Variants in TENM2 observed in about 807,000 individuals in gnomAD.
TENM2 encodes teneurin transmembrane protein 2.
TENM2 carries 52 observed loss-of-function variants against 245.2 expected under a neutral mutation model. That is an observed-to-expected ratio of 0.21 (90% CI 0.17 to 0.27). The LOEUF (loss-of-function observed/expected upper bound fraction) is 0.27, where lower values mean the gene tolerates loss of function less well. TENM2 is among the 10% of genes least tolerant of loss of function. TENM2 has a pLI of 1.00. For missense variants in TENM2, 3,046 were observed against 3,666.8 expected, an observed-to-expected ratio of 0.83 and a Z score of 4.37; for synonymous variants, 1,363 against 1,438.9, an observed-to-expected ratio of 0.95 and a Z score of 1.19.
chr5:168,202,779 G>A (rs1005214246), intron 17 of TENM2, among the ~76,000 whole-genome samples: 24 of 151,914 alleles, frequency 1.6e-4, no homozygotes, highest in African/African-American at 5.6e-4. Context: ...ATTTTTTAAA[G>A]CTGCAGAGAA....
intron 1 of TENM2, among the ~76,000 whole-genome samples, chr5:167,319,257 G>A (rs1023202065): frequency 6.6e-6 from 1 of 152,136 alleles, no homozygotes; most frequent in African/African-American, 2.4e-5. Context: ...CTGCTTTTTA[G>A]TTATATGACC....
chr5:167,538,425 T>C (rs1287172532), intron 2 of TENM2, among the ~76,000 whole-genome samples: 2 of 152,228 alleles, frequency 1.3e-5, no homozygotes, highest in African/African-American at 4.8e-5. Context: ...CTGGATTGAC[T>C]GGTGATGTCT....
chr5:167,242,451 G>C, the TENM2 span, among the ~76,000 whole-genome samples: 1 of 152,108 alleles, frequency 6.6e-6, no homozygotes, highest in African/African-American at 2.4e-5. Context: ...GAGATATACA[G>C]TTGACCTTTG....
chr5:167,541,496 ATC>A (rs1772210551), intron 2 of TENM2, among the ~76,000 whole-genome samples: 3 of 152,120 alleles, frequency 2.0e-5, no homozygotes, highest in South Asian at 4.1e-4. Context: ...AAGCTGAAAA[ATC>A]TCTGTTTCAA....
chr5:168,179,628 A>G (rs945790086), intron 13 of TENM2, among the ~76,000 whole-genome samples: 10 of 152,234 alleles, frequency 6.6e-5, no homozygotes, highest in African/African-American at 2.4e-4. Flanking sequence ...TTGGACACTC[A>G]GCATAACAGT....
intron 3 of TENM2, among the ~76,000 whole-genome samples, chr5:167,911,472 A>G (rs1776548883): frequency 6.6e-6 from 1 of 152,260 alleles, no homozygotes; most frequent in South Asian, 2.1e-4. Context: ...GCTTGCCGTG[A>G]GCCGAGATCG....
the TENM2 span, among the ~76,000 whole-genome samples, chr5:167,064,461 A>C: frequency 2.6e-5 from 4 of 152,330 alleles, no homozygotes; most frequent in African/African-American, 9.6e-5. Flanking sequence ...TGAACTCTAA[A>C]TACATTTAAA....
At chr5:167,331,946 G>A (rs1465444303) in intron 1 of TENM2, among the ~76,000 whole-genome samples, 1 of 152,018 alleles carries the variant, frequency 6.6e-6, no homozygotes, top group African/African-American at 2.4e-5. Flanking sequence ...AATCAAGATA[G>A]CATTTAGTGT....
chr5:167,920,515 T>TCACACACACACACA lies in TENM2; in HGVS notation c.713-32044_713-32031dup, dbSNP rs58866696. Among the ~76,000 whole-genome samples, 123 of 129,514 alleles carry TCACACACACACACA rather than the reference T, an allele frequency of 9.5e-4. 2 individuals are homozygous for TCACACACACACACA. Among genetic ancestry groups the TCACACACACACACA allele is most frequent in the East Asian group, 1.2e-3 (5 of 4,120 alleles). The allele number at this position is 129,514 out of a possible 152,430, so 85.0% of individuals were successfully genotyped here. A position where few individuals can be genotyped will look rare whatever the true frequency, so the allele number is the denominator to read the frequency against. On this transcript the variant is annotated intron_variant, in intron 3 of 28. Transcript: ENST00000518659. The stretch of plus-strand genomic sequence containing the variant: ...CCTGGGCAACAAGAGCGAAACTCCA[T>TCACACACACACACA]CACACACACACACACACACACACAC...
At chr5:167,197,813 C>A in the TENM2 span, among the ~76,000 whole-genome samples, 57 of 151,490 alleles carry the variant, frequency 3.8e-4, no homozygotes, top group Non-Finnish European at 7.1e-4. Flanking sequence ...AAACTTGTTT[C>A]TTTCTAGAGT....
intron 2 of TENM2, among the ~76,000 whole-genome samples, chr5:167,511,988 T>TA (rs1769986730): frequency 6.6e-6 from 1 of 152,176 alleles, no homozygotes; most frequent in African/African-American, 2.4e-5. Context: ...ACATGGATTT[T>TA]AAAGCAAAGC....
the TENM2 span, among the ~76,000 whole-genome samples, chr5:167,099,637 G>A: frequency 6.6e-6 from 1 of 152,214 alleles, no homozygotes; most frequent in African/African-American, 2.4e-5. Context: ...GGAGGTTGCA[G>A]TGAGCTGAGA....
chr5:167,325,321 G>A (rs988094394), intron 1 of TENM2, among the ~76,000 whole-genome samples: 2 of 152,152 alleles, frequency 1.3e-5, no homozygotes, highest in African/African-American at 2.4e-5. Flanking sequence ...TTGTAAATAA[G>A]TAAATACGGT....
the TENM2 span, among the ~76,000 whole-genome samples, chr5:167,113,950 A>G: frequency 0.033 from 5,083 of 152,230 alleles, 270 homozygotes; most frequent in African/African-American, 0.12. Flanking sequence ...TGTAAAAATC[A>G]GTATATGCAA....
At chr5:167,815,972 TTGTGTG>T (rs34151147) in intron 2 of TENM2, among the ~76,000 whole-genome samples, 15,339 of 144,008 alleles carry the variant, frequency 0.11, 1,057 homozygotes, top group East Asian at 0.35. Context: ...TTATGATCCT[TTGTGTG>T]TGTGTGTGTG....
chr5:167,901,772 C>T (rs925843797), intron 3 of TENM2, among the ~76,000 whole-genome samples: 2 of 152,280 alleles, frequency 1.3e-5, no homozygotes, highest in East Asian at 3.9e-4. Context: ...AATCTACCCC[C>T]TTTTGACAGG....
intron 2 of TENM2, among the ~76,000 whole-genome samples, chr5:167,458,500 A>C (rs1159533320): frequency 7.8e-5 from 11 of 141,662 alleles, no homozygotes; most frequent in East Asian, 7.6e-4. Context: ...AAAACAAAAA[A>C]AAAAAAAAAA....
intron 2 of TENM2, among the ~76,000 whole-genome samples, chr5:167,642,144 A>AC (rs1779652956): frequency 2.0e-5 from 3 of 150,594 alleles, no homozygotes; most frequent in Admixed American, 2.0e-4. Context: ...CTGTCTCAAA[A>AC]AAAAAAAAAA....
chr5:167,244,749 A>T, the TENM2 span, among the ~76,000 whole-genome samples: 33 of 152,242 alleles, frequency 2.2e-4, no homozygotes, highest in Admixed American at 2.0e-3. Context: ...GGTGTCTCTC[A>T]GTCTCCCAAG....
Sources: gnomAD v4.1 joint callset for allele counts (sites outside exome capture counted in the v4.1 genomes callset) on GRCh38, gnomAD v4.1.1 for gene constraint, MANE v1.5 for transcripts, NCBI Gene and HGNC (gene_info 2026-07-23, HGNC 2026-07-21) for gene names.